The following SULT1B1 variants were observed in gnomAD, a reference collection of about 807,000 sequenced individuals.
SULT1B1 encodes the protein sulfotransferase 1B1.
Under a neutral mutation model 34.6 loss-of-function variants are expected in SULT1B1, and 28 were observed. The ratio of observed to expected loss-of-function variants is 0.81; its 90% confidence interval spans 0.60 to 1.11. The LOEUF (loss-of-function observed/expected upper bound fraction) is 1.11. Among genes scored for constraint, SULT1B1 ranks in the 50% least tolerant of loss-of-function variants. SULT1B1 has a pLI of 0.00. For missense variants in SULT1B1, 374 were observed against 352.2 expected, an observed-to-expected ratio of 1.06 and a Z score of -0.50; for synonymous variants, 147 against 110.2, an observed-to-expected ratio of 1.33 and a Z score of -2.09.
chr4:69,724,966 G>C lies in SULT1B1; in HGVS notation c.*2122C>G. The C allele has an allele frequency of 6.6e-6, 1 of 152,104 alleles. No homozygotes were observed. 9.4% of individuals were successfully genotyped at this position (152,104 alleles called of 1,614,324 possible). ...CATTCAGGACATAGGCATGGGCAAG[G>C]ACTTCATGTCTAAAACACCAAAAGC... On this transcript the variant is annotated 3_prime_UTR_variant, in exon 8 of 8. Coordinates refer to ENST00000310613, the MANE Select transcript of SULT1B1 (RefSeq NM_014465.4).
chr4:69,730,614 T>C lies in SULT1B1; in HGVS notation c.665A>G (p.Asp222Gly), dbSNP rs181598666. 5.8e-5 allele frequency: 94 copies of C among 1,613,376 alleles called. No individual in the cohort carries two copies. In the Middle Eastern group the frequency reaches 1.2e-3, roughly 20 times the overall value. Residue 222 changes from aspartate (D) to glycine (G), a missense_variant, in exon 7 of 8, where the codon GAT becomes GGT. Coordinates refer to ENST00000310613, the MANE Select transcript of SULT1B1 (RefSeq NM_014465.4). ...LEKNLNDEIL[D>G]RIIHHTSFEV... The stretch of plus-strand genomic sequence containing the variant: ...AAATGAGGTGTGATGGATGATCCTA[T>C]CCAAGATCTCATCATTCAGGTTCTT...
chr4:69,731,518 C>T (rs994874859), intron 6 of SULT1B1, among the ~76,000 whole-genome samples: 2 of 152,184 alleles, frequency 1.3e-5, no homozygotes, highest in African/African-American at 4.8e-5. Flanking sequence ...GAATCTTCCT[C>T]TGATCTGTTA....
chr4:69,745,074 T>G (rs1718700602), intron 4 of SULT1B1, among the ~76,000 whole-genome samples: 1 of 152,364 alleles, frequency 6.6e-6, no homozygotes, highest in African/African-American at 2.4e-5. Flanking sequence ...ATATTTCTAT[T>G]ATGCTGTGGC....
chr4:69,734,665 C>G (rs1390615663), intron 4 of SULT1B1, among the ~76,000 whole-genome samples: 1 of 151,978 alleles, frequency 6.6e-6, no homozygotes, highest in African/African-American at 2.4e-5. Context: ...AAAGTTTTCA[C>G]TTTTCACTTC....
intron 3 of SULT1B1, among the ~76,000 whole-genome samples, chr4:69,751,628 T>C (rs1718987224): frequency 6.6e-6 from 1 of 152,152 alleles, no homozygotes; most frequent in African/African-American, 2.4e-5. Flanking sequence ...ATTTTTTGTA[T>C]ATTTTAGTAG....
At chr4:69,754,539 T>C (rs568019223) in intron 3 of SULT1B1, 131 bp downstream of exon 3, 1 of 846,812 alleles carries the variant, frequency 1.2e-6, no homozygotes, top group African/African-American at 1.7e-5. Context: ...TTCTTCAGTT[T>C]TATATTGTTT....
intron 4 of SULT1B1, among the ~76,000 whole-genome samples, chr4:69,744,517 A>G (rs921304020): frequency 3.3e-5 from 5 of 151,736 alleles, no homozygotes; most frequent in African/African-American, 1.2e-4. Flanking sequence ...GGCAGCAGCC[A>G]CTCTGGACTA....
chr4:69,756,859 C>T (rs996664079), intron 1 of SULT1B1, among the ~76,000 whole-genome samples: 2 of 152,046 alleles, frequency 1.3e-5, no homozygotes, highest in Admixed American at 1.3e-4. Flanking sequence ...TCTATTCAGG[C>T]CTTCAACTGA....
intron 6 of SULT1B1, among the ~76,000 whole-genome samples, chr4:69,731,242 G>A (rs1248302858): frequency 6.6e-6 from 1 of 152,180 alleles, no homozygotes; most frequent in Non-Finnish European, 1.5e-5. Context: ...GATCAGTGGT[G>A]CCATTAGATT....
At chr4:69,745,191 G>A (rs544743188) in intron 4 of SULT1B1, among the ~76,000 whole-genome samples, 1 of 152,300 alleles carries the variant, frequency 6.6e-6, no homozygotes, top group African/African-American at 2.4e-5. Context: ...ATCTGCAGAT[G>A]AGAAGAATGT....
intron 4 of SULT1B1, among the ~76,000 whole-genome samples, chr4:69,736,899 C>A (rs547991517): frequency 4.6e-5 from 7 of 151,784 alleles, no homozygotes; most frequent in Non-Finnish European, 1.0e-4. Context: ...TTTAGAGTTA[C>A]ACAATGATAG....
At chr4:69,755,367 A>C (rs571905406) in intron 1 of SULT1B1, 106 bp from the exon 2 acceptor site, 1 of 779,820 alleles carries the variant, frequency 1.3e-6, no homozygotes, top group Non-Finnish European at 2.0e-6. Context: ...TTCTGCGCAC[A>C]TGGAGATCTA....
At chr4:69,752,831 C>T (rs1719029636) in intron 3 of SULT1B1, among the ~76,000 whole-genome samples, 1 of 152,188 alleles carries the variant, frequency 6.6e-6, no homozygotes, top group Non-Finnish European at 1.5e-5. Flanking sequence ...TATTTGTTTC[C>T]CAGGATTCCA....
chr4:69,736,341 T>A (rs1187488394), intron 4 of SULT1B1, among the ~76,000 whole-genome samples: 1 of 152,084 alleles, frequency 6.6e-6, no homozygotes, highest in East Asian at 1.9e-4. Context: ...ACTTGGAGGG[T>A]ACAAGACACA....
At chr4:69,745,893 G>A (rs1718729698) in intron 4 of SULT1B1, among the ~76,000 whole-genome samples, 1 of 152,178 alleles carries the variant, frequency 6.6e-6, no homozygotes, top group African/African-American at 2.4e-5. Context: ...CTCTAGGAAG[G>A]CAAGTCTGAT....
chr4:69,751,634 A>G (rs1312518614), intron 3 of SULT1B1, among the ~76,000 whole-genome samples: 1 of 152,070 alleles, frequency 6.6e-6, no homozygotes, highest in Non-Finnish European at 1.5e-5. Context: ...TGTATATTTT[A>G]GTAGAGACGG....
intron 7 of SULT1B1, among the ~76,000 whole-genome samples, chr4:69,728,551 T>C (rs747245920): frequency 6.6e-6 from 1 of 152,018 alleles, no homozygotes; most frequent in Non-Finnish European, 1.5e-5. Flanking sequence ...TTAAAGAATA[T>C]GTGCTGTATA....
rs932066730 is a variant in SULT1B1 at position 69,723,714 on chromosome 4, G to T, written c.*3374C>A. On this transcript the variant is annotated 3_prime_UTR_variant, in exon 8 of 8. Coordinates refer to ENST00000310613, the MANE Select transcript of SULT1B1 (RefSeq NM_014465.4). Reference sequence around the variant, plus strand: ...GCTTCATCCCTGGGATTCAAGGCTGGTTCAACATATGCAAATCAATAAATG... The same window carrying T: ...GCTTCATCCCTGGGATTCAAGGCTGTTTCAACATATGCAAATCAATAAATG... 3.3e-5 allele frequency: 5 copies of T among 152,146 alleles called. No homozygotes were observed. Among genetic ancestry groups the T allele is most frequent in the Admixed American group, 6.5e-5 (1 of 15,268 alleles). The allele number at this position is 152,146 out of a possible 1,614,324, so 9.4% of individuals were successfully genotyped here.
intron 1 of SULT1B1, among the ~76,000 whole-genome samples, chr4:69,757,899 G>A (rs780258371): frequency 7.9e-5 from 12 of 152,130 alleles, no homozygotes; most frequent in Non-Finnish European, 1.6e-4. Flanking sequence ...TAATGGAGAA[G>A]CAGTCTCAAA....
Sources: gnomAD v4.1 joint callset for allele counts (sites outside exome capture counted in the v4.1 genomes callset) on GRCh38, gnomAD v4.1.1 for gene constraint, MANE v1.5 for transcripts, NCBI Gene and HGNC (gene_info 2026-07-23, HGNC 2026-07-21) for gene names.